Variants in SHLD1 observed in about 807,000 individuals in gnomAD.
SHLD1 encodes shieldin complex subunit 1.
A neutral mutation model predicts 5.5 loss-of-function variants in SHLD1; 3 were observed. That is an observed-to-expected ratio of 0.54 (90% CI 0.25 to 1.40). The LOEUF (loss-of-function observed/expected upper bound fraction) is 1.40, where lower values mean the gene tolerates loss of function less well. SHLD1 is among the 40% of genes most tolerant of loss of function. The pLI, the probability that SHLD1 is intolerant of heterozygous loss-of-function variation, is 0.15. For missense variants in SHLD1, 210 were observed against 244.4 expected (o/e 0.86, Z 0.94); for synonymous variants, 92 against 94.3 (o/e 0.98, Z 0.14).
intron 2 of SHLD1, among the ~76,000 whole-genome samples, chr20:5,819,621 A>G (rs907339686): frequency 2.6e-5 from 4 of 152,268 alleles, no homozygotes; most frequent in Middle Eastern, 3.4e-3. Flanking sequence ...CAGGAGTTCG[A>G]GACCAGCCTG....
intron 2 of SHLD1, among the ~76,000 whole-genome samples, chr20:5,778,969 G>A (rs566980535): frequency 2.6e-5 from 4 of 152,180 alleles, no homozygotes; most frequent in Admixed American, 6.5e-5. Context: ...TTGGGAGGGC[G>A]AAGCAGGTGT....
At chr20:5,838,345 G>A (rs2087814419) in intron 2 of SHLD1, among the ~76,000 whole-genome samples, 1 of 152,190 alleles carries the variant, frequency 6.6e-6, no homozygotes, top group African/African-American at 2.4e-5. Context: ...TATGGGAAAT[G>A]GAAAGGAGAA....
rs939984401 is a variant in SHLD1 at position 5,806,173 on chromosome 20, A to AT, written c.178+33136dup. On this transcript the variant is annotated intron_variant, in intron 2 of 2. Transcript: ENST00000303142. The surrounding 1 kb of genome is among the most constrained non-coding windows in gnomAD (Gnocchi z 7.6). ...AGCTACCACATCTGGCTGCTTTATAATTTTTTACTTGGCGTTTCTTTATCT... is the reference window on the plus strand; with the variant it reads ...AGCTACCACATCTGGCTGCTTTATAATTTTTTTACTTGGCGTTTCTTTATCT... 2.0e-5 allele frequency among the ~76,000 whole-genome samples: 3 copies of AT among 152,092 alleles called. No individual in the cohort carries two copies. The highest frequency in any genetic ancestry group is 1.3e-4 in the Admixed American group (2 of 15,262).
At chr20:5,794,865 G>C (rs1272798631) in intron 2 of SHLD1, among the ~76,000 whole-genome samples, 1 of 152,014 alleles carries the variant, frequency 6.6e-6, no homozygotes, top group African/African-American at 2.4e-5. Context: ...AAATCAGTGA[G>C]AACACAGGAT....
At chr20:5,785,569 G>T (rs2087047579) in intron 2 of SHLD1, among the ~76,000 whole-genome samples, 1 of 152,150 alleles carries the variant, frequency 6.6e-6, no homozygotes, top group Admixed American at 6.5e-5. Flanking sequence ...GCCAAAGTGG[G>T]CGGATCACCT....
intron 2 of SHLD1, among the ~76,000 whole-genome samples, chr20:5,856,953 TTTTG>T (rs772983476): frequency 3.9e-5 from 6 of 152,000 alleles, no homozygotes; most frequent in South Asian, 2.1e-4. Context: ...AAATTAAAGG[TTTTG>T]TTTGTTTGTT....
intron 2 of SHLD1, among the ~76,000 whole-genome samples, chr20:5,799,024 C>T (rs1402103803): frequency 1.3e-5 from 2 of 151,942 alleles, no homozygotes; most frequent in African/African-American, 4.8e-5. Context: ...GGCAAAACCC[C>T]GTCTCTACAA....
chr20:5,798,617 C>CTT (rs35976290), intron 2 of SHLD1, among the ~76,000 whole-genome samples: 11 of 136,772 alleles, frequency 8.0e-5, no homozygotes, highest in African/African-American at 2.5e-4. Flanking sequence ...TTTTAGTTTT[C>CTT]TTTTTTTTTT....
At chr20:5,822,025 G>A (rs967935325) in intron 2 of SHLD1, among the ~76,000 whole-genome samples, 1 of 152,198 alleles carries the variant, frequency 6.6e-6, no homozygotes, top group Non-Finnish European at 1.5e-5. Context: ...GAGGTGAGGA[G>A]CCATCCTGGA....
intron 2 of SHLD1, among the ~76,000 whole-genome samples, chr20:5,801,268 G>A (rs1479953427): frequency 2.0e-5 from 3 of 152,000 alleles, no homozygotes; most frequent in African/African-American, 7.2e-5. Context: ...TAGAGACGGG[G>A]TTTCACCATG....
intron 2 of SHLD1, among the ~76,000 whole-genome samples, chr20:5,819,406 A>G (rs1796763185): frequency 6.6e-6 from 1 of 152,230 alleles, no homozygotes; most frequent in South Asian, 2.1e-4. Context: ...TATTAACTGT[A>G]ATGTTTGCCT....
rs1190340129 is a variant in SHLD1 at position 5,817,432 on chromosome 20, CTG to C, written c.178+44429_178+44430del. 9.2e-3 allele frequency among the ~76,000 whole-genome samples: 790 copies of C among 85,408 alleles called. 14 individuals are homozygous for C. The highest frequency in any genetic ancestry group is 0.047 in the East Asian group (144 of 3,090). The allele number at this position is 85,408 out of a possible 152,430, so 56.0% of individuals were successfully genotyped here. Reference sequence around the variant, plus strand: ...TCTCTCTCTCTCTCTCTCTCTCTCTCTGTGTGTGTGTGTGTGTGTGTGTGTGT... The same window carrying C: ...TCTCTCTCTCTCTCTCTCTCTCTCTCTGTGTGTGTGTGTGTGTGTGTGTGT... On this transcript the variant is annotated intron_variant, in intron 2 of 2. Coordinates refer to ENST00000303142, the MANE Select transcript of SHLD1 (RefSeq NM_152504.4).
chr20:5,839,488 G>GAT (rs944634737), intron 2 of SHLD1, among the ~76,000 whole-genome samples: 3 of 94,428 alleles, frequency 3.2e-5, no homozygotes, highest in Non-Finnish European at 6.2e-5. Context: ...TAGATAGAAA[G>GAT]ATAGATAGAT....
chr20:5,772,027 A>G (rs1005232864), intron 1 of SHLD1: 10 of 415,688 alleles, frequency 2.4e-5, no homozygotes, highest in Admixed American at 5.8e-5. Context: ...GGCACCCACC[A>G]CCAAGCCTGG....
intron 2 of SHLD1, among the ~76,000 whole-genome samples, chr20:5,856,961 G>A (rs955391057): frequency 1.3e-5 from 2 of 152,096 alleles, no homozygotes; most frequent in East Asian, 3.9e-4. Flanking sequence ...GGTTTTGTTT[G>A]TTTGTTTTTG....
chr20:5,782,369 C>T (rs943725243), intron 2 of SHLD1, among the ~76,000 whole-genome samples: 21 of 152,276 alleles, frequency 1.4e-4, no homozygotes, highest in African/African-American at 4.6e-4. Context: ...GCTCATGTGG[C>T]GTATCTCACC....
chr20:5,779,972 GTTTTTTTTTTTTTT>G (rs11381238), intron 2 of SHLD1, among the ~76,000 whole-genome samples: 2 of 81,768 alleles, frequency 2.4e-5, no homozygotes, highest in Admixed American at 3.4e-4. Flanking sequence ...TACAATTTCT[GTTTTTTTTTTTTTT>G]TTTTTTTTTG....
chr20:5,835,936 A>T (rs2087783517), intron 2 of SHLD1, among the ~76,000 whole-genome samples: 1 of 152,240 alleles, frequency 6.6e-6, no homozygotes, highest in African/African-American at 2.4e-5. Flanking sequence ...TTGCCCCTGG[A>T]TTCTCCATTC....
chr20:5,853,741 C>G (rs931927650), intron 2 of SHLD1, among the ~76,000 whole-genome samples: 1 of 152,148 alleles, frequency 6.6e-6, no homozygotes, highest in Non-Finnish European at 1.5e-5. Flanking sequence ...TAGACTATGT[C>G]CCCTGCCTCT....
Sources: allele counts gnomAD v4.1 joint callset (sites outside exome capture counted in the v4.1 genomes callset), GRCh38; gene constraint gnomAD v4.1.1; non-coding constraint Gnocchi (gnomAD v3.1); transcripts MANE v1.5; gene names NCBI Gene and HGNC (gene_info 2026-07-23, HGNC 2026-07-21).